Variants in AEBP2 observed in about 807,000 individuals in gnomAD.
AEBP2 encodes zinc finger protein AEBP2.
Under a neutral mutation model 50.8 loss-of-function variants are expected in AEBP2, and 10 were observed. The observed-to-expected ratio is 0.20, with a 90% confidence interval of 0.12 to 0.33. The LOEUF is 0.33. Among genes scored for constraint, AEBP2 ranks in the 10% least tolerant of loss-of-function variants. AEBP2 has a pLI of 1.00. For missense variants in AEBP2, 570 were observed against 688.0 expected (o/e 0.83, Z 1.92); for synonymous variants, 296 against 261.3 (o/e 1.13, Z -1.28).
At position 19,420,328 on chromosome 12, in the gene AEBP2, A is replaced by ATTT. The variant is rs780103252; in HGVS notation, c.-17+16133_-17+16135dup. ...ACAGGCATGAGCCACTGTGCTGACC[A>ATTT]TTTTTTTTTTTTTTTTTTTTTTTGA... is the stretch of plus-strand genomic sequence containing the variant. On this transcript the variant is annotated intron_variant, in intron 1 of 3. Coordinates refer to the AEBP2 transcript ENST00000538425. 7.6e-3 allele frequency among the ~76,000 whole-genome samples: 584 copies of ATTT among 76,508 alleles called. 16 individuals carry two copies. Among genetic ancestry groups the ATTT allele is most frequent in the Middle Eastern group, 0.014 (1 of 72 alleles). 50.2% of individuals were successfully genotyped at this position (76,508 alleles called of 152,430 possible). A position where few individuals can be genotyped will look rare whatever the true frequency, so the allele number is the denominator to read the frequency against.
intron 1 of AEBP2, among the ~76,000 whole-genome samples, chr12:19,421,508 G>C (rs2095745796): frequency 6.6e-6 from 1 of 152,104 alleles, no homozygotes; most frequent in East Asian, 1.9e-4. Flanking sequence ...TGTGGTCCCA[G>C]CTATTTGGGA....
intron 3 of AEBP2, among the ~76,000 whole-genome samples, chr12:19,492,008 G>T (rs1026573796): frequency 6.6e-6 from 1 of 152,126 alleles, no homozygotes; most frequent in Admixed American, 6.5e-5. Context: ...ATTGGTAGAG[G>T]TACCTCGATT....
At chr12:19,501,331 C>CAAA (rs568690588) in intron 5 of AEBP2, among the ~76,000 whole-genome samples, 2,558 of 82,142 alleles carry the variant, frequency 0.031, 34 homozygotes, top group East Asian at 0.058. Flanking sequence ...AACTCCATCT[C>CAAA]AAAAAAAAAA....
At chr12:19,434,240 C>A in intron 1 of AEBP2, among the ~76,000 whole-genome samples, 1 of 149,436 alleles carries the variant, frequency 6.7e-6, no homozygotes, top group Admixed American at 6.6e-5. Flanking sequence ...ATGGTGTGCT[C>A]TTCACTCACC....
chr12:19,505,153 T>G (rs1207639157), intron 5 of AEBP2, among the ~76,000 whole-genome samples: 1 of 152,222 alleles, frequency 6.6e-6, no homozygotes, highest in Admixed American at 6.5e-5. Flanking sequence ...TCAGCAAGGT[T>G]AGAGCCTTGC....
chr12:19,427,594 G>A (rs1050185141), intron 1 of AEBP2, among the ~76,000 whole-genome samples: 1 of 152,088 alleles, frequency 6.6e-6, no homozygotes, highest in African/African-American at 2.4e-5. Flanking sequence ...GGACTTCTAT[G>A]AGCGAATTTC....
At chr12:19,432,050 C>A (rs186588439) in intron 1 of AEBP2, among the ~76,000 whole-genome samples, 1 of 152,120 alleles carries the variant, frequency 6.6e-6, no homozygotes, top group Non-Finnish European at 1.5e-5. Flanking sequence ...GGCAAACTGG[C>A]GAGGCAGGAC....
chr12:19,412,970 G>A (rs1046915465), intron 1 of AEBP2, among the ~76,000 whole-genome samples: 2 of 152,204 alleles, frequency 1.3e-5, no homozygotes, highest in African/African-American at 2.4e-5. Context: ...CAGGAGGCTC[G>A]CGGCAGGGGC....
At chr12:19,410,948 G>C (rs2095738927) in intron 1 of AEBP2, among the ~76,000 whole-genome samples, 1 of 152,012 alleles carries the variant, frequency 6.6e-6, no homozygotes, top group Non-Finnish European at 1.5e-5. Flanking sequence ...ATTGGTTTTG[G>C]GTAAACTAAT....
intron 3 of AEBP2, among the ~76,000 whole-genome samples, chr12:19,473,792 A>G (rs561340354): frequency 4.7e-4 from 72 of 152,304 alleles, no homozygotes; most frequent in African/African-American, 1.5e-3. Flanking sequence ...AAAAACAACC[A>G]TTTGTTTTAA....
chr12:19,430,848 A>G (rs2095751051), intron 1 of AEBP2, among the ~76,000 whole-genome samples: 1 of 151,944 alleles, frequency 6.6e-6, no homozygotes, highest in Non-Finnish European at 1.5e-5. Flanking sequence ...ACTTTGCTGA[A>G]GTTGCTTATG....
chr12:19,450,788 A>G (rs1303609388), intron 1 of AEBP2, among the ~76,000 whole-genome samples: 1 of 151,212 alleles, frequency 6.6e-6, no homozygotes. Flanking sequence ...GCTGCAATGA[A>G]CTATGATTGT....
intron 3 of AEBP2, among the ~76,000 whole-genome samples, chr12:19,491,553 T>C (rs1948895207): frequency 6.6e-6 from 1 of 152,190 alleles, no homozygotes; most frequent in African/African-American, 2.4e-5. Context: ...GTATTTGAAC[T>C]AAAGTCTTGA....
At chr12:19,517,468 A>G (rs2120641168) in intron 7 of AEBP2, among the ~76,000 whole-genome samples, 1 of 152,352 alleles carries the variant, frequency 6.6e-6, no homozygotes, top group African/African-American at 2.4e-5. Context: ...AGACCAATAT[A>G]GTGTAACAAT....
At chr12:19,410,525 C>T (rs1592701107) in intron 1 of AEBP2, among the ~76,000 whole-genome samples, 1 of 152,112 alleles carries the variant, frequency 6.6e-6, no homozygotes, top group South Asian at 2.1e-4. Context: ...GCTGAGACAG[C>T]CAATTCGAAT....
At chr12:19,512,664 C>G (rs978516224) in intron 6 of AEBP2, among the ~76,000 whole-genome samples, 199 bp downstream of exon 6, 1 of 149,244 alleles carries the variant, frequency 6.7e-6, no homozygotes, top group Admixed American at 6.7e-5. Context: ...ACTTAAGCCC[C>G]CCCTCTTTTT....
At chr12:19,446,648 C>T (rs940384739) in intron 1 of AEBP2, among the ~76,000 whole-genome samples, 5 of 150,032 alleles carry the variant, frequency 3.3e-5, no homozygotes, top group East Asian at 2.0e-4. Flanking sequence ...AGGAGAACGG[C>T]GTGAACCCAG....
At chr12:19,416,549 G>T (rs1565695120) in intron 1 of AEBP2, among the ~76,000 whole-genome samples, 1 of 150,438 alleles carries the variant, frequency 6.6e-6, no homozygotes, top group Non-Finnish European at 1.5e-5. Context: ...GGGATTACAG[G>T]CACATGCCAC....
chr12:19,486,467 C>T (rs1274279161), intron 3 of AEBP2, among the ~76,000 whole-genome samples: 4 of 152,082 alleles, frequency 2.6e-5, no homozygotes, highest in African/African-American at 9.7e-5. Context: ...TCTCTACGCA[C>T]TGCAGCCTCA....
Sources: gnomAD v4.1 joint callset for allele counts (sites outside exome capture counted in the v4.1 genomes callset) on GRCh38, gnomAD v4.1.1 for gene constraint, MANE v1.5 for transcripts, NCBI Gene and HGNC (gene_info 2026-07-23, HGNC 2026-07-21) for gene names.